Variants in CRPPA observed in about 807,000 individuals in gnomAD.
CRPPA encodes CDP-L-ribitol pyrophosphorylase A.
In CRPPA, 43 loss-of-function variants were observed where a neutral mutation model predicts 52.0. The ratio of observed to expected loss-of-function variants is 0.83; its 90% CI spans 0.65 to 1.07. The LOEUF is 1.07. Ranked by LOEUF, CRPPA falls within the 50% of genes least tolerant of loss-of-function variation. The pLI, the probability that CRPPA is intolerant of heterozygous loss-of-function variation, is 0.00. For synonymous variants in CRPPA, 250 were observed against 203.5 expected (o/e 1.23, Z -1.94); for missense variants, 629 against 551.7 (o/e 1.14, Z -1.40).
intron 3 of CRPPA, among the ~76,000 whole-genome samples, chr7:16,325,905 T>C (rs981177432): frequency 2.6e-5 from 4 of 152,102 alleles, no homozygotes; most frequent in East Asian, 1.9e-4. Context: ...CTTGGTTATA[T>C]GTAGTAAAAT....
In CRPPA at chr7:16,387,516, T is replaced by C. The variant is rs144866495; in HGVS notation, c.535-11275A>G. 3.2e-3 allele frequency among the ~76,000 whole-genome samples: 486 copies of C among 150,766 alleles called. 4 individuals carry two copies. The highest frequency in any genetic ancestry group is 0.011 in the African/African-American group (453 of 40,988). On this transcript the variant is annotated intron_variant, in intron 2 of 9. Coordinates refer to ENST00000407010, the MANE Select transcript of CRPPA (RefSeq NM_001101426.4). ...AAAGTAAACTAGCAGACAAATCTAA[T>C]TATATATTAAAACGAATGGATCAAA...
At chr7:16,154,809 CTT>C (rs549480340) in intron 9 of CRPPA, among the ~76,000 whole-genome samples, 38 of 131,876 alleles carry the variant, frequency 2.9e-4, no homozygotes, top group Admixed American at 4.6e-4. Context: ...CAAGATGGGT[CTT>C]TTTTTTTTTT....
intron 3 of CRPPA, among the ~76,000 whole-genome samples, chr7:16,327,399 T>G (rs1785427083): frequency 1.3e-5 from 2 of 151,414 alleles, no homozygotes; most frequent in South Asian, 4.2e-4. Context: ...GAGACCATCC[T>G]GGCTAACAAG....
At chr7:16,370,231 GGGTAAGCT>G (rs1786713781) in intron 3 of CRPPA, among the ~76,000 whole-genome samples, 1 of 152,222 alleles carries the variant, frequency 6.6e-6, no homozygotes, top group Non-Finnish European at 1.5e-5. Context: ...CAGAACCCAA[GGGTAAGCT>G]GGAAGTGTGC....
At position 16,294,834 on chromosome 7, in the gene CRPPA, C is replaced by A. The variant is rs182482299; in HGVS notation, c.835+6587G>T. Among the ~76,000 whole-genome samples, 18 of 152,050 alleles carry A rather than the reference C, an allele frequency of 1.2e-4. No individual in the cohort carries two copies. The South Asian group carries it at 2.3e-3, about 19-fold the overall frequency. ...GCCTGATGAGAACATACCACAGATG[C>A]GGAATGTTGTCTGGTCACAGATGTG... On this transcript the variant is annotated intron_variant, in intron 5 of 9. Coordinates refer to ENST00000407010, the MANE Select transcript of CRPPA (RefSeq NM_001101426.4).
At chr7:16,316,016 A>G (rs893719416) in intron 3 of CRPPA, among the ~76,000 whole-genome samples, 3 of 152,252 alleles carry the variant, frequency 2.0e-5, no homozygotes, top group Admixed American at 2.0e-4. Flanking sequence ...AGCTCCCTAC[A>G]TGCCATGCAG....
intron 8 of CRPPA, among the ~76,000 whole-genome samples, chr7:16,242,686 C>T (rs1783152947): frequency 6.6e-6 from 1 of 152,098 alleles, no homozygotes; most frequent in Non-Finnish European, 1.5e-5. Flanking sequence ...AAAGAAAGTG[C>T]TGGTTTGTAG....
chr7:16,276,946 G>A (rs1482688401), intron 6 of CRPPA: 2 of 152,146 alleles, frequency 1.3e-5, no homozygotes, highest in African/African-American at 2.4e-5. Flanking sequence ...CAGCACTGAA[G>A]TATGGGAACT....
In CRPPA at chr7:16,278,153, T is replaced by C. The variant is rs778599626; in HGVS notation, c.909A>G (p.Glu303=). 4 of 1,569,512 alleles carry C rather than the reference T, an allele frequency of 2.5e-6. No homozygotes were observed. The South Asian group carries it at 4.6e-5, about 18-fold the overall frequency. ...CATTTAATTCACTTTTCAGCACTTC[T>C]TCAAGAAGATGACCTACATGTTTGT... The part of the protein sequence containing the change: ...EDNKHVGHLL[E]EVLKSELNHV... Residue 303 remains glutamate (E), a synonymous_variant, in exon 6 of 10, where the codon GAA becomes GAG. Transcript: ENST00000407010.
At chr7:16,348,089 T>A (rs1275760540) in intron 3 of CRPPA, among the ~76,000 whole-genome samples, 1 of 152,108 alleles carries the variant, frequency 6.6e-6, no homozygotes, top group Non-Finnish European at 1.5e-5. Flanking sequence ...GTAGCTTGTA[T>A]CAAGGAGATA....
At chr7:16,304,969 C>T (rs182363226) in intron 4 of CRPPA, among the ~76,000 whole-genome samples, 44 of 152,262 alleles carry the variant, frequency 2.9e-4, no homozygotes, top group Admixed American at 7.2e-4. Flanking sequence ...ACCAGTTTAG[C>T]ATAATTGTAC....
intron 6 of CRPPA, among the ~76,000 whole-genome samples, chr7:16,276,028 T>A (rs550190761): frequency 6.6e-6 from 1 of 151,732 alleles, no homozygotes; most frequent in East Asian, 1.9e-4. Context: ...TTGGAATAAC[T>A]TAGAAACAAG....
At chr7:16,297,802 T>C (rs1431253460) in intron 5 of CRPPA, among the ~76,000 whole-genome samples, 1 of 152,208 alleles carries the variant, frequency 6.6e-6, no homozygotes, top group Non-Finnish European at 1.5e-5. Context: ...ACCTTTGGGT[T>C]TGTACTGGAA....
rs1313933081 is a variant in CRPPA, at chr7:16,345,151, GCTTA to G, written c.684+30937_684+30940del. On this transcript the variant is annotated intron_variant, in intron 3 of 9. Coordinates refer to ENST00000407010, the MANE Select transcript of CRPPA (RefSeq NM_001101426.4). Reference sequence around the variant, plus strand: ...ACAACATTCACCAATAAGATTAACAGCTTACTTCTCATCAGAAGTCATGGAGGTC... The same window carrying G: ...ACAACATTCACCAATAAGATTAACAGCTTCTCATCAGAAGTCATGGAGGTC... 2.0e-5 allele frequency among the ~76,000 whole-genome samples: 3 copies of G among 152,144 alleles called. No individual in the cohort carries two copies. The East Asian group carries it at 5.8e-4, about 29-fold the overall frequency.
At chr7:16,420,079 C>T (rs564574455) in intron 1 of CRPPA, among the ~76,000 whole-genome samples, 2 of 152,194 alleles carry the variant, frequency 1.3e-5, no homozygotes, top group East Asian at 3.9e-4. Context: ...TGAGGGTTTG[C>T]GTGGGGCTCC....
chr7:16,344,325 G>C (rs964728834), intron 3 of CRPPA, among the ~76,000 whole-genome samples: 2 of 150,692 alleles, frequency 1.3e-5, no homozygotes, highest in African/African-American at 4.9e-5. Context: ...CAGGGCTTGG[G>C]GAGGCCAAGG....
rs986225308 is a variant in CRPPA at position 16,149,679 on chromosome 7, G to A, written c.1252-57880C>T. On this transcript the variant is annotated intron_variant, in intron 9 of 9. Coordinates refer to ENST00000407010, the MANE Select transcript of CRPPA (RefSeq NM_001101426.4). ...AAAATTACAGTTAAGTTCTAATTAC[G>A]TCTATATAATTGATAAAAACTATTG... Among the ~76,000 whole-genome samples the A allele has an allele frequency of 7.9e-5, 12 of 152,190 alleles. No homozygotes were observed. The South Asian group carries it at 1.0e-3, about 13-fold the overall frequency.
chr7:16,279,861 T>C (rs1429419150), intron 5 of CRPPA, among the ~76,000 whole-genome samples: 2 of 152,200 alleles, frequency 1.3e-5, no homozygotes, highest in East Asian at 3.9e-4. Context: ...CTGATAAAGA[T>C]ATACCAGAGA....
rs796391999 is a variant in CRPPA, at chr7:16,162,949, T to TTTTTTC, written c.1251+53111_1251+53116dup. ...TTAGGTAATGCCCTTCTTTGTCTTT[T>TTTTTTC]TTTTTCTTTTTCTTTTTCTTTCTCT... On this transcript the variant is annotated intron_variant, in intron 9 of 9. Transcript: ENST00000407010. Among the ~76,000 whole-genome samples, 404 of 151,402 alleles carry TTTTTTC rather than the reference T, an allele frequency of 2.7e-3. 2 individuals carry two copies. Among genetic ancestry groups the TTTTTTC allele is most frequent in the African/African-American group, 9.1e-3 (376 of 41,330 alleles).
Sources: gnomAD v4.1 joint callset for allele counts (sites outside exome capture counted in the v4.1 genomes callset) on GRCh38, gnomAD v4.1.1 for gene constraint, MANE v1.5 for transcripts, NCBI Gene and HGNC (gene_info 2026-07-23, HGNC 2026-07-21) for gene names.